RNF144A: variants seen among roughly 807,000 people sequenced by gnomAD.
The protein encoded by RNF144A is E3 ubiquitin-protein ligase RNF144A.
RNF144A carries 11 observed loss-of-function variants against 38.7 expected under a neutral mutation model. The ratio of observed to expected loss-of-function variants is 0.28; its 90% CI spans 0.18 to 0.47. The LOEUF is 0.47. RNF144A is among the 20% of genes least tolerant of loss of function. The pLI, the probability that RNF144A is intolerant of heterozygous loss-of-function variation, is 0.99. For synonymous variants in RNF144A, 149 were observed against 143.9 expected (o/e 1.04, Z -0.25); for missense variants, 316 against 377.2 (o/e 0.84, Z 1.34).
Position 7,040,711 on chromosome 2 carries a change from C to T in RNF144A, c.*951C>T. On this transcript the variant is annotated 3_prime_UTR_variant, in exon 9 of 9. Transcript: ENST00000320892. The stretch of plus-strand genomic sequence containing the variant: ...CAGATAGACAGTAAGAAGAAAGCAG[C>T]CTCATTGATCCGCAGATGTAGGGGC... 1.0e-6 allele frequency: 1 copy of T among 985,482 alleles called. No homozygotes were observed. Among genetic ancestry groups the T allele is most frequent in the Non-Finnish European group, 1.2e-6 (1 of 829,942 alleles). The allele number at this position is 985,482 out of a possible 1,614,324, so 61.0% of individuals were successfully genotyped here. A position where few individuals can be genotyped will look rare whatever the true frequency, so the allele number is the denominator to read the frequency against.
At chr2:7,036,675 A>G (rs1397734383) in intron 8 of RNF144A, among the ~76,000 whole-genome samples, 3 of 152,246 alleles carry the variant, frequency 2.0e-5, no homozygotes, top group Non-Finnish European at 4.4e-5. Flanking sequence ...ATTATAATCC[A>G]GGGATCAAAT....
chr2:7,061,269 G>A (rs550560225), intron 6 of RNF144A, among the ~76,000 whole-genome samples: 1 of 152,326 alleles, frequency 6.6e-6, no homozygotes, highest in African/African-American at 2.4e-5. Context: ...TTACTGCACA[G>A]TTTTATGTCT....
At chr2:6,935,319 A>G (rs990209946) in intron 1 of RNF144A, among the ~76,000 whole-genome samples, 1 of 152,172 alleles carries the variant, frequency 6.6e-6, no homozygotes, top group Admixed American at 6.5e-5. Flanking sequence ...TTAGATACCC[A>G]TTCCTGCAGT....
chr2:7,010,810 C>T (rs1558429512), intron 3 of RNF144A, among the ~76,000 whole-genome samples: 1 of 152,136 alleles, frequency 6.6e-6, no homozygotes, highest in Non-Finnish European at 1.5e-5. Flanking sequence ...GGGACCCCTC[C>T]TCTCTACCCC....
intron 2 of RNF144A, among the ~76,000 whole-genome samples, chr2:6,990,205 G>C (rs1269244672): frequency 2.0e-5 from 3 of 152,054 alleles, no homozygotes; most frequent in Non-Finnish European, 4.4e-5. Flanking sequence ...GTTCTGGTGA[G>C]GACATCCCCC....
At chr2:7,071,755 C>T (rs1025341975), downstream of RNF144A, among the ~76,000 whole-genome samples, 2 of 152,188 alleles carry the variant, frequency 1.3e-5, no homozygotes, top group Non-Finnish European at 2.9e-5. Flanking sequence ...AGTCACTCAA[C>T]AAAACAGTCA....
intron 6 of RNF144A, among the ~76,000 whole-genome samples, chr2:7,063,960 G>T (rs770374752): frequency 3.3e-5 from 5 of 152,098 alleles, no homozygotes; most frequent in Non-Finnish European, 7.4e-5. Context: ...GTCCAAGAGC[G>T]TGGCACCAGC....
intron 2 of RNF144A, among the ~76,000 whole-genome samples, chr2:6,951,499 C>T (rs796665554): frequency 4.4e-4 from 67 of 152,310 alleles, no homozygotes; most frequent in African/African-American, 1.5e-3. Flanking sequence ...ACAACAGCAG[C>T]AAACCCTTGT....
chr2:6,937,377 C>T (rs1434473345), intron 1 of RNF144A, among the ~76,000 whole-genome samples: 2 of 152,218 alleles, frequency 1.3e-5, no homozygotes, highest in Non-Finnish European at 2.9e-5. Flanking sequence ...CCAGGAGCCA[C>T]ACTGGGCTCC....
chr2:6,926,244 G>A (rs773348519), intron 1 of RNF144A, among the ~76,000 whole-genome samples: 3 of 152,222 alleles, frequency 2.0e-5, no homozygotes, highest in Admixed American at 6.5e-5. Flanking sequence ...GCATCTGTCC[G>A]TTTTTGTCAA....
chr2:6,919,255 G>A (rs1478475336), intron 1 of RNF144A, among the ~76,000 whole-genome samples: 1 of 152,146 alleles, frequency 6.6e-6, no homozygotes. Context: ...GGAAGGGGGA[G>A]GGACAAGGTG....
chr2:7,008,259 C>T (rs1572390448), intron 3 of RNF144A, among the ~76,000 whole-genome samples: 1 of 152,346 alleles, frequency 6.6e-6, no homozygotes, highest in East Asian at 1.9e-4. Context: ...GCAGCGGGTG[C>T]GTGGTCACAT....
rs532311570 is a variant in RNF144A at position 6,974,473 on chromosome 2, G to A, written c.-11-22443G>A. 4.6e-5 allele frequency among the ~76,000 whole-genome samples: 7 copies of A among 152,236 alleles called. No homozygotes were observed. The South Asian group carries it at 1.5e-3, about 32-fold the overall frequency. The stretch of plus-strand genomic sequence containing the variant: ...CCTCACTAAGCTATTGTAAGATTAA[G>A]TGGCTTATAAGTTGGTGCACCTAGT... On this transcript the variant is annotated intron_variant, in intron 2 of 8. Transcript: ENST00000320892.
intron 3 of RNF144A, among the ~76,000 whole-genome samples, chr2:7,010,696 C>T (rs1670738882): frequency 6.6e-6 from 1 of 152,004 alleles, no homozygotes; most frequent in Non-Finnish European, 1.5e-5. Context: ...GTGGCTTACC[C>T]CCCTTTCTTC....
downstream of RNF144A, among the ~76,000 whole-genome samples, chr2:7,049,003 T>TG (rs1673415237): frequency 6.6e-6 from 1 of 152,108 alleles, no homozygotes; most frequent in South Asian, 2.1e-4. Flanking sequence ...CAGGATGTGG[T>TG]GGGATTTACA....
intron 2 of RNF144A, among the ~76,000 whole-genome samples, chr2:6,974,309 T>G (rs1572308778): frequency 6.6e-6 from 1 of 152,348 alleles, no homozygotes; most frequent in East Asian, 1.9e-4. Context: ...TACAGCATTG[T>G]GGTTCAGAGC....
Position 7,014,742 on chromosome 2 carries a change from C to T in RNF144A, c.271C>T (p.Gln91Ter). ...GTGCATGGTTGCAGCTGAAATTATG[C>T]AAAGATATAAAAAGCTACAATTTGA... is the stretch of plus-strand genomic sequence containing the variant. ...IECMVAAEIM[Q>*]RYKKLQFERE... Residue 91 changes from glutamine to a stop codon, truncating the protein, a stop_gained, in exon 5 of 9, where the codon CAA (glutamine) becomes TAA (stop). Transcript: ENST00000320892. LOFTEE classifies it high-confidence loss of function. The T allele has an allele frequency of 6.2e-7, 1 of 1,613,130 alleles. No homozygotes were observed. Among genetic ancestry groups the T allele is most frequent in the Non-Finnish European group, 8.5e-7 (1 of 1,179,278 alleles).
chr2:7,004,159 C>A (rs182983932), intron 3 of RNF144A, among the ~76,000 whole-genome samples: 148 of 152,368 alleles, frequency 9.7e-4, no homozygotes, highest in Admixed American at 4.9e-3. Flanking sequence ...ATTCTTCCTG[C>A]GGCCTGTGTG....
In RNF144A at chr2:6,943,183, G is replaced by A. The variant is rs1666127688; in HGVS notation, c.-12+2036G>A. 6.6e-6 allele frequency among the ~76,000 whole-genome samples: 1 copy of A among 152,212 alleles called. No homozygotes were observed. Among genetic ancestry groups the A allele is most frequent in the Admixed American group, 6.5e-5 (1 of 15,286 alleles). ...AATAAGATCAGATGAGATCCCCAGT[G>A]AAAGAAGAGAGGAGTTGTAAGGACT... is the stretch of plus-strand genomic sequence containing the variant. On this transcript the variant is annotated intron_variant, in intron 2 of 8. Coordinates refer to ENST00000320892, the MANE Select transcript of RNF144A (RefSeq NM_014746.6). This position sits in a 1 kb window ranked among gnomAD's most constrained non-coding sequence, Gnocchi z 4.3.
Sources: allele counts gnomAD v4.1 joint callset (sites outside exome capture counted in the v4.1 genomes callset), GRCh38; gene constraint gnomAD v4.1.1; non-coding constraint Gnocchi (gnomAD v3.1); transcripts MANE v1.5; gene names NCBI Gene and HGNC (gene_info 2026-07-23, HGNC 2026-07-21).